The following LRP8 variants were observed in gnomAD, a reference collection of about 807,000 sequenced individuals.
LRP8 encodes the protein LDL receptor related protein 8.
LRP8 carries 46 observed loss-of-function variants against 111.6 expected under a neutral mutation model. The observed-to-expected ratio is 0.41, with a 90% CI of 0.33 to 0.53. The LOEUF is 0.53. Ranked by LOEUF, LRP8 falls within the 20% of genes least tolerant of loss-of-function variation. LRP8 has a pLI of 0.20. For synonymous variants in LRP8, 464 were observed against 511.2 expected (o/e 0.91, Z 1.24); for missense variants, 959 against 1,297.4 (o/e 0.74, Z 4.01).
At chr1:53,254,354 T>G (rs180985732) in intron 16 of LRP8, among the ~76,000 whole-genome samples, 51 of 151,978 alleles carry the variant, frequency 3.4e-4, no homozygotes, top group African/African-American at 1.1e-3. Flanking sequence ...GCTTTACTCA[T>G]GCTGTCTTCA....
chr1:53,325,081 G>A (rs574800419), intron 2 of LRP8, among the ~76,000 whole-genome samples: 66 of 152,318 alleles, frequency 4.3e-4, no homozygotes, highest in African/African-American at 1.6e-3. Context: ...TCTATTCCTT[G>A]CCTCGTCCTC....
rs144428724 is a variant in LRP8, at chr1:53,257,260, G to C, written c.2414C>G (p.Thr805Ser). The change falls in exon 15 of 19, where the codon ACC becomes AGC. Residue 805 changes from threonine to serine, a missense_variant. Coordinates refer to ENST00000306052, the MANE Select transcript of LRP8 (RefSeq NM_004631.5). ...CTTACAGTGCTGGGAGTGGTTGCTG[G>C]TTGCAGGGCTTAGGGTAGACGGGCT... Reference protein sequence around the residue: ...SISPSTLSPATSNHSQHYANE... With the variant: ...SISPSTLSPASSNHSQHYANE... 3.6e-4 allele frequency: 584 copies of C among 1,614,124 alleles called. No individual in the cohort carries two copies. The highest frequency in any genetic ancestry group is 3.6e-3 in the Admixed American group (215 of 60,026).
In LRP8 at chr1:53,275,779, G is replaced by A; in HGVS notation, c.884-26C>T. ...CTGCCAGGAGAGGGCAAGGGGAGAG[G>A]ATCAGAGTCAGTGTGGTGCTAGGAC... On this transcript the variant is annotated intron_variant, in intron 5 of 18. Transcript: ENST00000306052. This position sits in a 1 kb window ranked among gnomAD's most constrained non-coding sequence, Gnocchi z 4.4. The A allele has an allele frequency of 6.2e-7, 1 of 1,612,680 alleles. No individual in the cohort carries two copies. Among genetic ancestry groups the A allele is most frequent in the Non-Finnish European group, 8.5e-7 (1 of 1,179,434 alleles).
At chr1:53,308,491 GA>G (rs1652411229) in intron 2 of LRP8, among the ~76,000 whole-genome samples, 1 of 145,096 alleles carries the variant, frequency 6.9e-6, no homozygotes, top group African/African-American at 2.8e-5. Context: ...TAAATGTTTG[GA>G]AAAAGCAGCA....
rs1164605034 is a variant in LRP8 at position 53,279,811 on chromosome 1, C to T, written c.496+776G>A. On this transcript the variant is annotated intron_variant, in intron 4 of 18. Transcript: ENST00000306052. This position sits in a 1 kb window ranked among gnomAD's most constrained non-coding sequence, Gnocchi z 4.4. ...CTGTCTCCCCCACTAATCATGTGTT[C>T]CCAGAGGGAAGACTGTGTAGGATTC... Among the ~76,000 whole-genome samples the T allele has an allele frequency of 1.3e-5, 2 of 152,180 alleles. No homozygotes were observed. Among genetic ancestry groups the T allele is most frequent in the Admixed American group, 6.5e-5 (1 of 15,288 alleles).
At chr1:53,260,831 C>G (rs1392483047) in intron 12 of LRP8, among the ~76,000 whole-genome samples, 2 of 152,210 alleles carry the variant, frequency 1.3e-5, no homozygotes, top group African/African-American at 4.8e-5. Flanking sequence ...TTTGAACTGA[C>G]AGCCACAACA....
chr1:53,323,574 G>C (rs754889906), intron 2 of LRP8, among the ~76,000 whole-genome samples: 10 of 152,260 alleles, frequency 6.6e-5, no homozygotes, highest in Admixed American at 1.3e-4. Flanking sequence ...CCTTGGGCCT[G>C]GCTCTCTAGC....
chr1:53,300,737 GGCCCTCGGTGTGAGAAA>G (rs1314774511), intron 2 of LRP8, among the ~76,000 whole-genome samples: 1 of 152,198 alleles, frequency 6.6e-6, no homozygotes, highest in East Asian at 1.9e-4. Context: ...GTGAAAGCTG[GGCCCTCGGTGTGAGAAA>G]GCCCTTCACA....
intron 6 of LRP8, chr1:53,274,849 T>C (rs1646869567): frequency 2.2e-6 from 1 of 456,116 alleles, no homozygotes; most frequent in African/African-American, 2.0e-5. Flanking sequence ...GAGTGGACAG[T>C]GCCTGTGAGA....
At chr1:53,296,629 G>C (rs1255942344) in intron 2 of LRP8, among the ~76,000 whole-genome samples, 2 of 152,230 alleles carry the variant, frequency 1.3e-5, no homozygotes, top group African/African-American at 4.8e-5. Flanking sequence ...AACCTGGCAG[G>C]CAGATTTAAA....
At position 53,280,665 on chromosome 1, in the gene LRP8, T is replaced by TC; in HGVS notation, c.417_418insG (p.Lys140GlufsTer21). 1 of 1,613,422 alleles carries TC rather than the reference T, an allele frequency of 6.2e-7. No individual in the cohort carries two copies. Among genetic ancestry groups the TC allele is most frequent in the Non-Finnish European group, 8.5e-7 (1 of 1,180,042 alleles). On this transcript the variant is annotated frameshift_variant, in exon 4 of 19. Coordinates refer to ENST00000306052, the MANE Select transcript of LRP8 (RefSeq NM_004631.5). LOFTEE classifies it high-confidence loss of function. The stretch of plus-strand genomic sequence containing the variant: ...CAGCGCCACGAGGCAGGTACACACT[T>TC]GTGGCTGGTGGGTCCACAGCTCAGC...
In LRP8 at chr1:53,257,370, G is replaced by T. The variant is rs141397668; in HGVS notation, c.2304C>A (p.Ser768=). Residue 768 remains serine, a synonymous_variant, in exon 15 of 19, where the codon TCC becomes TCA. Coordinates refer to ENST00000306052, the MANE Select transcript of LRP8 (RefSeq NM_004631.5). ...TRAPGTTVHR[S]TYQNHSTETP... is the part of the protein sequence containing the mutation. ...TCTCTGTGCTGTGGTTCTGGTAGGT[G>T]GATCTGTGGACGGTGGTCCCGGGGG... is the stretch of plus-strand genomic sequence containing the variant. The T allele has an allele frequency of 2.7e-4, 430 of 1,614,062 alleles. No individual in the cohort carries two copies. The highest frequency in any genetic ancestry group is 3.4e-4 in the Non-Finnish European group (404 of 1,180,024).
chr1:53,319,689 G>A (rs1008481686), intron 2 of LRP8, among the ~76,000 whole-genome samples: 1 of 152,232 alleles, frequency 6.6e-6, no homozygotes, highest in African/African-American at 2.4e-5. Context: ...TCCGGCTGCG[G>A]GGTGATTACT....
chr1:53,299,434 T>C (rs1319596430), intron 2 of LRP8, among the ~76,000 whole-genome samples: 1 of 152,170 alleles, frequency 6.6e-6, no homozygotes, highest in Non-Finnish European at 1.5e-5. Flanking sequence ...CGGTGATAAA[T>C]GGGCAGCACC....
rs1367666140 is a variant in LRP8, at chr1:53,250,860, C to T, written c.2506G>A (p.Val836Met). Residue 836 changes from valine (V) to methionine (M), a missense_variant and splice_region_variant, in exon 17 of 19, where the codon GTG (valine) becomes ATG (methionine). Coordinates refer to ENST00000306052, the MANE Select transcript of LRP8 (RefSeq NM_004631.5). This position sits in a 1 kb window ranked among gnomAD's most constrained non-coding sequence, Gnocchi z 4.6. ...CCACTCATGCACAGGAGGGCTATCA[C>T]CACTGGAGGAAGGACACAGGACACT... The part of the protein sequence containing the change: ...AVIGIIVPIV[V>M]IALLCMSGYL... The T allele has an allele frequency of 6.2e-7, 1 of 1,613,960 alleles. No individual in the cohort carries two copies. Among genetic ancestry groups the T allele is most frequent in the Non-Finnish European group, 8.5e-7 (1 of 1,179,976 alleles).
At position 53,271,336 on chromosome 1, in the gene LRP8, C is replaced by T; in HGVS notation, c.1017G>A (p.Glu339=). The change falls in exon 7 of 19, where the codon GAG becomes GAA. Residue 339 remains glutamate (E), a synonymous_variant. Coordinates refer to ENST00000306052, the MANE Select transcript of LRP8 (RefSeq NM_004631.5). The part of the protein sequence containing the change: ...DEAGCLQGLN[E]CLHNNGGCSH... ...AGCAGCCGCCATTGTTGTGCAGACACTCGTTCAGCCCTGGGGAGGGACATG... is the reference window on the plus strand; with the variant it reads ...AGCAGCCGCCATTGTTGTGCAGACATTCGTTCAGCCCTGGGGAGGGACATG... 1 of 1,614,028 alleles carries T rather than the reference C, an allele frequency of 6.2e-7. No individual in the cohort carries two copies. The highest frequency in any genetic ancestry group is 8.5e-7 in the Non-Finnish European group (1 of 1,180,002).
At chr1:53,314,244 C>T (rs12063871) in intron 2 of LRP8, among the ~76,000 whole-genome samples, 7,155 of 152,222 alleles carry the variant, frequency 0.047, 538 homozygotes, top group African/African-American at 0.16. Context: ...CTGTCCATAA[C>T]GATACCTTTG....
chr1:53,249,297 A>G lies in LRP8; in HGVS notation c.2853+83T>C. On this transcript the variant is annotated intron_variant, in intron 18 of 18. Coordinates refer to ENST00000306052, the MANE Select transcript of LRP8 (RefSeq NM_004631.5). The surrounding 1 kb of genome is among the most constrained non-coding windows in gnomAD (Gnocchi z 4.1). The stretch of plus-strand genomic sequence containing the variant: ...ACAATTTGCAGCCTTCCCAAACCAG[A>G]AAGCCTTCTAGGATTGGCTGCGCCT... The G allele has an allele frequency of 6.8e-7, 1 of 1,470,998 alleles. No individual in the cohort carries two copies. The highest frequency in any genetic ancestry group is 1.4e-5 in the African/African-American group (1 of 70,838). 91.1% of individuals were successfully genotyped at this position (1,470,998 alleles called of 1,614,324 possible).
chr1:53,243,052 A>T lies in LRP8; in HGVS notation c.*3966T>A, dbSNP rs940657204. On this transcript the variant is annotated 3_prime_UTR_variant, in exon 19 of 19. Coordinates refer to ENST00000306052, the MANE Select transcript of LRP8 (RefSeq NM_004631.5). ...CTTCTAAATTCTCCATACCCTAAAA[A>T]TACAGTGTGAGAAGTCTGTTACTCT... 1 of 152,110 alleles carries T rather than the reference A, an allele frequency of 6.6e-6. No individual in the cohort carries two copies. The highest frequency in any genetic ancestry group is 1.5e-5 in the Non-Finnish European group (1 of 68,028). The allele number at this position is 152,110 out of a possible 1,614,324, so 9.4% of individuals were successfully genotyped here. A position where few individuals can be genotyped will look rare whatever the true frequency, so the allele number is the denominator to read the frequency against.
Sources: allele counts gnomAD v4.1 joint callset (sites outside exome capture counted in the v4.1 genomes callset), GRCh38; gene constraint gnomAD v4.1.1; non-coding constraint Gnocchi (gnomAD v3.1); transcripts MANE v1.5; gene names NCBI Gene and HGNC (gene_info 2026-07-23, HGNC 2026-07-21).